Variants in KAZN observed in about 807,000 individuals in gnomAD.
KAZN encodes the protein kazrin, periplakin interacting protein.
A neutral mutation model predicts 87.4 loss-of-function variants in KAZN; 40 were observed. The observed-to-expected ratio is 0.46, with a 90% CI of 0.36 to 0.60. The LOEUF is 0.60. Ranked by LOEUF, KAZN falls within the 20% of genes least tolerant of loss-of-function variation. The pLI, the probability that KAZN is intolerant of heterozygous loss-of-function variation, is 0.00. For synonymous variants in KAZN, 466 were observed against 458.3 expected (o/e 1.02, Z -0.22); for missense variants, 898 against 1,073.9 (o/e 0.84, Z 2.29).
intron 2 of KAZN, among the ~76,000 whole-genome samples, chr1:14,387,567 C>T (rs539721087): frequency 2.2e-4 from 33 of 151,960 alleles, no homozygotes; most frequent in African/African-American, 7.0e-4. Flanking sequence ...TTGGAGTACC[C>T]GGCCATGTGA....
chr1:14,376,161 T>C (rs1660902001), intron 2 of KAZN, among the ~76,000 whole-genome samples: 1 of 152,140 alleles, frequency 6.6e-6, no homozygotes, highest in African/African-American at 2.4e-5. Flanking sequence ...AATGTTACCA[T>C]CTCAATCATC....
chr1:14,050,685 A>G (rs1056337597), intron 1 of KAZN, among the ~76,000 whole-genome samples: 1 of 151,880 alleles, frequency 6.6e-6, no homozygotes, highest in Non-Finnish European at 1.5e-5. Flanking sequence ...CAGAGCCAAA[A>G]CCTATCAGCC....
chr1:14,712,479 C>T (rs529582664), intron 1 of KAZN, among the ~76,000 whole-genome samples: 25 of 152,286 alleles, frequency 1.6e-4, no homozygotes, highest in Admixed American at 6.5e-4. Flanking sequence ...CAGAAGTTTT[C>T]GATGCTTTCT....
At chr1:14,046,906 G>C (rs1425507632) in intron 1 of KAZN, among the ~76,000 whole-genome samples, 1 of 152,216 alleles carries the variant, frequency 6.6e-6, no homozygotes, top group African/African-American at 2.4e-5. Context: ...CCCTATCAGG[G>C]AGGGACAATC....
chr1:14,782,042 G>C (rs1440848458), intron 1 of KAZN, among the ~76,000 whole-genome samples: 2 of 152,164 alleles, frequency 1.3e-5, no homozygotes, highest in Non-Finnish European at 2.9e-5. Context: ...AATGGAACCT[G>C]TCTGTCAGAT....
intron 2 of KAZN, among the ~76,000 whole-genome samples, chr1:14,269,725 G>C (rs1651774899): frequency 6.6e-6 from 1 of 152,166 alleles, no homozygotes; most frequent in Non-Finnish European, 1.5e-5. Context: ...ACTCCAAGGT[G>C]GGCAATGGAG....
intron 1 of KAZN, among the ~76,000 whole-genome samples, chr1:14,916,272 C>T (rs943701644): frequency 6.2e-5 from 9 of 145,252 alleles, no homozygotes; most frequent in Admixed American, 1.4e-4. Flanking sequence ...CGGGTTCAAG[C>T]GATTCTCCTG....
chr1:13,992,967 A>C (rs1639352901), intron 1 of KAZN, among the ~76,000 whole-genome samples: 1 of 152,198 alleles, frequency 6.6e-6, no homozygotes, highest in Non-Finnish European at 1.5e-5. Flanking sequence ...ATCTCCCAAG[A>C]CTGAAAACAC....
chr1:14,264,078 A>T (rs1467410033), intron 2 of KAZN, among the ~76,000 whole-genome samples: 1 of 152,234 alleles, frequency 6.6e-6, no homozygotes, highest in African/African-American at 2.4e-5. Flanking sequence ...GTTATCTTAC[A>T]GTTCTGTAGG....
chr1:15,035,864 G>A (rs1446706818), intron 3 of KAZN, among the ~76,000 whole-genome samples: 1 of 152,078 alleles, frequency 6.6e-6, no homozygotes, highest in East Asian at 1.9e-4. Context: ...TAGGCACCTT[G>A]GTCACAGCCC....
intron 2 of KAZN, among the ~76,000 whole-genome samples, chr1:14,447,739 G>A (rs904826631): frequency 1.3e-5 from 2 of 152,030 alleles, no homozygotes; most frequent in Non-Finnish European, 2.9e-5. Context: ...TCTCATTCTG[G>A]GAGGGGGCGC....
intron 1 of KAZN, among the ~76,000 whole-genome samples, chr1:14,759,779 C>G (rs1488565765): frequency 6.6e-6 from 1 of 152,120 alleles, no homozygotes; most frequent in African/African-American, 2.4e-5. Flanking sequence ...GCCTCAGTTT[C>G]CTTATCTGAA....
At chr1:14,103,582 C>T (rs949436596) in intron 1 of KAZN, among the ~76,000 whole-genome samples, 3 of 152,178 alleles carry the variant, frequency 2.0e-5, no homozygotes, top group Admixed American at 6.5e-5. Flanking sequence ...TCTAGTGATG[C>T]CCATCCTTAT....
At chr1:14,572,746 C>T (rs1210242351) in intron 2 of KAZN, among the ~76,000 whole-genome samples, 9 of 152,162 alleles carry the variant, frequency 5.9e-5, no homozygotes, top group South Asian at 2.1e-4. Flanking sequence ...GGAGCGGCCC[C>T]CCACTCCCCT....
intron 1 of KAZN, among the ~76,000 whole-genome samples, chr1:13,933,045 A>G (rs1215039425): frequency 6.6e-6 from 1 of 152,160 alleles, no homozygotes; most frequent in Non-Finnish European, 1.5e-5. Context: ...TAACATTCCA[A>G]TGGTATATTT....
chr1:14,514,344 T>TATATATTTA (rs1553182416), intron 2 of KAZN, among the ~76,000 whole-genome samples: 1 of 19,642 alleles, frequency 5.1e-5, no homozygotes, highest in African/African-American at 1.9e-4. Flanking sequence ...ATATATATAT[T>TATATATTTA]TATATATATT....
At chr1:14,458,380 A>C (rs2148344676) in intron 2 of KAZN, among the ~76,000 whole-genome samples, 1 of 152,356 alleles carries the variant, frequency 6.6e-6, no homozygotes. Context: ...CTAGGTATAA[A>C]GTAATCTCTT....
intron 1 of KAZN, among the ~76,000 whole-genome samples, chr1:14,918,944 T>C (rs1572828094): frequency 6.6e-6 from 1 of 151,698 alleles, no homozygotes; most frequent in East Asian, 1.9e-4. Flanking sequence ...AGATAATCAA[T>C]CCCTATTGTT....
intron 1 of KAZN, among the ~76,000 whole-genome samples, chr1:13,962,552 C>T (rs1641793659): frequency 6.6e-6 from 1 of 151,966 alleles, no homozygotes; most frequent in South Asian, 2.1e-4. Flanking sequence ...AGGCCTTATG[C>T]TACCCATTTT....
Sources: allele counts gnomAD v4.1 joint callset (sites outside exome capture counted in the v4.1 genomes callset), GRCh38; gene constraint gnomAD v4.1.1; transcripts MANE v1.5; gene names NCBI Gene and HGNC (gene_info 2026-07-23, HGNC 2026-07-21).